Variants in LOC400499 observed in about 807,000 individuals in gnomAD.
At chr16:11,437,603 C>G in the LOC400499 span, among the ~76,000 whole-genome samples, 1 of 152,048 alleles carries the variant, frequency 6.6e-6, no homozygotes, top group African/African-American at 2.4e-5. Context: ...CACAGCAGCT[C>G]ACACCAGTAA....
chr16:11,507,003 A>G, the LOC400499 span, among the ~76,000 whole-genome samples: 1 of 152,088 alleles, frequency 6.6e-6, no homozygotes, highest in Admixed American at 6.5e-5. Context: ...CTTTTTTTCA[A>G]TGCTGTAAGT....
chr16:11,432,160 T>A, the LOC400499 span, among the ~76,000 whole-genome samples: 1 of 152,158 alleles, frequency 6.6e-6, no homozygotes, highest in South Asian at 2.1e-4. Flanking sequence ...CATGCACACA[T>A]CTGGCTGGGA....
the LOC400499 span, chr16:11,475,486 G>C: frequency 2.5e-6 from 1 of 395,240 alleles, no homozygotes. Context: ...ATTGAAACCT[G>C]TCTCAGATAC....
At chr16:11,492,341 G>T in the LOC400499 span, among the ~76,000 whole-genome samples, 1 of 129,454 alleles carries the variant, frequency 7.7e-6, no homozygotes, top group African/African-American at 2.9e-5. Flanking sequence ...ATCCATCCAT[G>T]CAACAAATAT....
the LOC400499 span, chr16:11,460,968 G>T: frequency 1.3e-6 from 2 of 1,532,968 alleles, no homozygotes; most frequent in Non-Finnish European, 1.7e-6. Context: ...CCTTACCCAG[G>T]AGGCTGTACT....
At chr16:11,518,901 T>G in the LOC400499 span, 1 of 398,918 alleles carries the variant, frequency 2.5e-6, no homozygotes, top group Admixed American at 4.4e-5. Context: ...GTGTCTTACC[T>G]CAGGCTCTCC....
the LOC400499 span, chr16:11,385,532 A>G: frequency 1.6e-6 from 1 of 639,602 alleles, no homozygotes; most frequent in Non-Finnish European, 2.2e-6. Context: ...GCCTGCCCTG[A>G]GGCCTGGATT....
the LOC400499 span, chr16:11,404,811 C>T: frequency 3.3e-5 from 13 of 398,900 alleles, no homozygotes; most frequent in Non-Finnish European, 2.2e-5. Flanking sequence ...GACACGGGTC[C>T]CATGAGCTCG....
chr16:11,446,920 A>AG, the LOC400499 span: 749 of 1,531,296 alleles, frequency 4.9e-4, 4 homozygotes, highest in African/African-American at 9.4e-3. Context: ...CCTGGTGTGC[A>AG]GAGGGAAAAA....
chr16:11,385,030 G>C, the LOC400499 span: 1 of 1,232,074 alleles, frequency 8.1e-7, no homozygotes, highest in Non-Finnish European at 1.0e-6. Flanking sequence ...CCGGACAACT[G>C]TCCCCCGGCA....
At chr16:11,478,023 T>C in the LOC400499 span, 1 of 398,438 alleles carries the variant, frequency 2.5e-6, no homozygotes, top group Non-Finnish European at 4.4e-6. Context: ...CAAGAAATGA[T>C]AAGCGGGGGC....
chr16:11,487,234 A>T, the LOC400499 span: 4 of 398,724 alleles, frequency 1.0e-5, no homozygotes, highest in Non-Finnish European at 1.8e-5. Flanking sequence ...GAGGCCCTGC[A>T]GAGGCTATAG....
the LOC400499 span, chr16:11,401,407 C>CTAGG: frequency 5.0e-6 from 2 of 399,568 alleles, no homozygotes; most frequent in Non-Finnish European, 8.8e-6. Context: ...AGACCAGCAC[C>CTAGG]TAGGGAGGGA....
the LOC400499 span, chr16:11,399,612 G>C: frequency 2.5e-6 from 1 of 398,832 alleles, no homozygotes; most frequent in Non-Finnish European, 4.4e-6. Context: ...TGATAGGGAA[G>C]AGAATAGGGT....
chr16:11,459,418 G>C, the LOC400499 span, among the ~76,000 whole-genome samples: 2 of 151,866 alleles, frequency 1.3e-5, no homozygotes, highest in African/African-American at 2.4e-5. Context: ...GGATGGTCTC[G>C]ATCTCCTGAT....
chr16:11,414,414 T>C, the LOC400499 span: 5 of 399,706 alleles, frequency 1.3e-5, no homozygotes, highest in Admixed American at 1.3e-4. Context: ...CCAGCTGCAG[T>C]GGGCCACGTC....
chr16:11,413,226 T>C, the LOC400499 span, among the ~76,000 whole-genome samples: 1 of 152,064 alleles, frequency 6.6e-6, no homozygotes, highest in Admixed American at 6.5e-5. Flanking sequence ...GAGGGCTCCC[T>C]GTCACCTGAC....
At chr16:11,522,696 G>A in the LOC400499 span, among the ~76,000 whole-genome samples, 4 of 152,168 alleles carry the variant, frequency 2.6e-5, no homozygotes, top group South Asian at 2.1e-4. Flanking sequence ...TACACAATCC[G>A]CAGCTGGGAT....
chr16:11,447,918 G>C, the LOC400499 span: 1 of 1,531,670 alleles, frequency 6.5e-7, no homozygotes, highest in Non-Finnish European at 8.7e-7. Context: ...CAGCTGAGCA[G>C]AAGGGGCGCA....
Sources: gnomAD v4.1 joint callset for allele counts (sites outside exome capture counted in the v4.1 genomes callset) on GRCh38, gnomAD v4.1.1 for gene constraint, MANE v1.5 for transcripts.